Variants in MKLN1 observed in about 807,000 individuals in gnomAD.
MKLN1 encodes the protein muskelin.
In MKLN1, 18 loss-of-function variants were observed where a neutral mutation model predicts 99.0. That is an observed-to-expected ratio of 0.18 (90% CI 0.13 to 0.27). MKLN1 has a LOEUF of 0.27. MKLN1 is among the 10% of genes least tolerant of loss of function. MKLN1 has a pLI of 1.00. For missense variants in MKLN1, 621 were observed against 875.9 expected (o/e 0.71, Z 3.67); for synonymous variants, 288 against 293.2 (o/e 0.98, Z 0.18).
At chr7:131,430,958 A>C (rs1186432248) in intron 9 of MKLN1, among the ~76,000 whole-genome samples, 1 of 152,178 alleles carries the variant, frequency 6.6e-6, no homozygotes, top group Non-Finnish European at 1.5e-5. Flanking sequence ...ACAGTGGCTC[A>C]TGCCTGTAAT....
intron 1 of MKLN1, among the ~76,000 whole-genome samples, chr7:131,329,627 TC>T (rs1238934126): frequency 2.0e-5 from 3 of 152,228 alleles, no homozygotes; most frequent in African/African-American, 7.2e-5. Flanking sequence ...AGGACGTCAC[TC>T]CTTAAATTTT....
intron 2 of MKLN1, among the ~76,000 whole-genome samples, chr7:131,176,411 C>G (rs545443247): frequency 2.0e-5 from 3 of 152,032 alleles, no homozygotes; most frequent in Non-Finnish European, 4.4e-5. Flanking sequence ...TTTGGAAGTT[C>G]TATCTTACGT....
At chr7:131,228,239 T>A (rs1464322622) in intron 3 of MKLN1, among the ~76,000 whole-genome samples, 1 of 152,184 alleles carries the variant, frequency 6.6e-6, no homozygotes, top group African/African-American at 2.4e-5. Context: ...AATTTTATTT[T>A]TGTAGAGACA....
chr7:131,384,924 A>G (rs1793963626), intron 2 of MKLN1, among the ~76,000 whole-genome samples: 2 of 152,266 alleles, frequency 1.3e-5, no homozygotes, highest in Non-Finnish European at 2.9e-5. Context: ...TTTAAAGTAT[A>G]TAATTCAGTG....
intron 3 of MKLN1, among the ~76,000 whole-genome samples, chr7:131,272,577 C>T (rs1368857891): frequency 1.3e-5 from 2 of 152,124 alleles, no homozygotes; most frequent in African/African-American, 2.4e-5. Flanking sequence ...ACTGGAGTAG[C>T]AGTGTATTAG....
chr7:131,139,950 C>T (rs973341718), intron 1 of MKLN1, among the ~76,000 whole-genome samples: 1 of 152,172 alleles, frequency 6.6e-6, no homozygotes, highest in Non-Finnish European at 1.5e-5. Flanking sequence ...TGGTAAGGGA[C>T]CTCAGAGATC....
intron 2 of MKLN1, among the ~76,000 whole-genome samples, chr7:131,186,892 TC>T (rs1796459297): frequency 6.6e-6 from 1 of 152,192 alleles, no homozygotes; most frequent in African/African-American, 2.4e-5. Context: ...AGGGAAGTCT[TC>T]CAAGAGGCAG....
At chr7:131,440,072 G>A (rs1361079382) in intron 10 of MKLN1, among the ~76,000 whole-genome samples, 3 of 152,178 alleles carry the variant, frequency 2.0e-5, no homozygotes, top group Non-Finnish European at 4.4e-5. Context: ...GAGCCTAGCA[G>A]TTGTATGTCA....
intron 1 of MKLN1, among the ~76,000 whole-genome samples, chr7:131,369,222 C>A (rs1271992256): frequency 3.9e-5 from 6 of 152,098 alleles, no homozygotes; most frequent in African/African-American, 1.4e-4. Context: ...TCCTTACGTA[C>A]TGGAGATTTT....
intron 3 of MKLN1, among the ~76,000 whole-genome samples, chr7:131,287,054 A>G (rs565219746): frequency 1.3e-5 from 2 of 152,242 alleles, no homozygotes; most frequent in Non-Finnish European, 2.9e-5. Flanking sequence ...GTGAGCCACA[A>G]TCGTGCCATT....
rs1797435174 is a variant in MKLN1, at chr7:131,491,994, T to C, written c.*4266T>C. On this transcript the variant is annotated 3_prime_UTR_variant, in exon 18 of 18. Coordinates refer to ENST00000352689, the MANE Select transcript of MKLN1 (RefSeq NM_013255.5). The stretch of plus-strand genomic sequence containing the variant: ...TATGACAAGAGAATAATGAAATTCA[T>C]AAGAAATTAATAACATTCAGATATT... 1 of 152,316 alleles carries C rather than the reference T, an allele frequency of 6.6e-6. No individual in the cohort carries two copies. Among genetic ancestry groups the C allele is most frequent in the Non-Finnish European group, 1.5e-5 (1 of 68,032 alleles). 9.4% of individuals were successfully genotyped at this position (152,316 alleles called of 1,614,324 possible). A position where few individuals can be genotyped will look rare whatever the true frequency, so the allele number is the denominator to read the frequency against.
chr7:131,178,279 CTTTTTTTTTTTTTT>C (rs35412933), intron 2 of MKLN1, among the ~76,000 whole-genome samples: 6 of 72,530 alleles, frequency 8.3e-5, no homozygotes, highest in South Asian at 9.0e-4. Flanking sequence ...ACATGCCCGG[CTTTTTTTTTTTTTT>C]TTTTTTTTTT....
At chr7:131,252,370 C>T (rs1241377460) in intron 3 of MKLN1, among the ~76,000 whole-genome samples, 20 of 146,188 alleles carry the variant, frequency 1.4e-4, no homozygotes, top group Non-Finnish European at 2.4e-4. Flanking sequence ...GCTCCATCAC[C>T]CAGGCTGGAG....
intron 12 of MKLN1, among the ~76,000 whole-genome samples, chr7:131,462,126 G>A (rs999654272): frequency 7.9e-5 from 12 of 151,986 alleles, no homozygotes; most frequent in African/African-American, 2.9e-4. Flanking sequence ...TCCAACTCTG[G>A]GCTCAAGGGA....
chr7:131,234,536 G>A (rs1374756013), intron 3 of MKLN1, among the ~76,000 whole-genome samples: 1 of 152,174 alleles, frequency 6.6e-6, no homozygotes, highest in Non-Finnish European at 1.5e-5. Flanking sequence ...GCCAGCTTGT[G>A]TTCTGGGAAG....
intron 2 of MKLN1, among the ~76,000 whole-genome samples, chr7:131,189,516 T>G (rs1796502501): frequency 8.0e-6 from 1 of 125,546 alleles, no homozygotes; most frequent in South Asian, 2.8e-4. Flanking sequence ...CCTAGAAGTT[T>G]TTTATATTAA....
chr7:131,314,613 G>A (rs529333376), intron 3 of MKLN1, among the ~76,000 whole-genome samples: 22 of 151,918 alleles, frequency 1.4e-4, no homozygotes, highest in Admixed American at 1.1e-3. Flanking sequence ...TAGTAGAGAC[G>A]GGGTTTCACC....
chr7:131,445,888 A>G lies in MKLN1; in HGVS notation c.1510A>G (p.Lys504Glu). 1 of 1,600,412 alleles carries G rather than the reference A, an allele frequency of 6.2e-7. No individual in the cohort carries two copies. The highest frequency in any genetic ancestry group is 2.2e-5 in the East Asian group (1 of 44,758). The change falls in exon 12 of 18, where the codon AAA becomes GAA. Residue 504 changes from lysine (K) to glutamate (E), a missense_variant. By Grantham distance (56) the Lys-to-Glu change is moderately conservative. Transcript: ENST00000352689. ...HVDIISDGTKKDSGMVPMTGF... is the reference protein window; with the variant it reads ...HVDIISDGTKEDSGMVPMTGF... ...AGACATAATATCAGATGGCACCAAG[A>G]AAGACTCTGGGATGGGTAAGGGCAT...
chr7:131,132,100 C>A (rs1243468578), intron 1 of MKLN1, among the ~76,000 whole-genome samples: 1 of 152,186 alleles, frequency 6.6e-6, no homozygotes, highest in Admixed American at 6.5e-5. Flanking sequence ...AGTGTAAAAT[C>A]TTGCAATTGG....
Sources: allele counts gnomAD v4.1 joint callset (sites outside exome capture counted in the v4.1 genomes callset), GRCh38; gene constraint gnomAD v4.1.1; transcripts MANE v1.5; gene names NCBI Gene and HGNC (gene_info 2026-07-23, HGNC 2026-07-21).